Variants in THAP9 observed in about 807,000 individuals in gnomAD.
The protein encoded by THAP9 is THAP domain containing 9, also known as DNA transposase THAP9.
THAP9 carries 20 observed loss-of-function variants against 35.7 expected under a neutral mutation model. The ratio of observed to expected loss-of-function variants is 0.56; its 90% CI spans 0.39 to 0.81. THAP9 has a LOEUF of 0.81. THAP9 is among the 40% of genes least tolerant of loss of function. The pLI, the probability that THAP9 is intolerant of heterozygous loss-of-function variation, is 0.00. For missense variants in THAP9, 870 were observed against 1,047.4 expected (o/e 0.83, Z 2.34); for synonymous variants, 335 against 373.7 (o/e 0.90, Z 1.19).
rs773902967 is a variant in THAP9 at position 82,917,314 on chromosome 4, G to A, written c.1102G>A (p.Val368Ile). The A allele has an allele frequency of 1.9e-6, 3 of 1,613,758 alleles. No homozygotes were observed. In the African/African-American group the frequency reaches 4.0e-5, roughly 22 times the overall value. ...TAAACTGAGTGACATAGGAATCACA[G>A]TTCTGGCTGTTACATCTGATGCCAC... ...IGKLSDIGIT[V>I]LAVTSDATAH... The change falls in exon 5 of 5, where the codon GTT (valine) becomes ATT (isoleucine). Residue 368 changes from valine (V) to isoleucine (I), a missense_variant. Val to Ile is a conservative substitution (Grantham distance 29). This residue lies in a region of THAP9 where 440 missense variants were observed against 501.2 expected (regional missense o/e 0.88). Transcript: ENST00000302236.
At chr4:82,916,786 G>A (rs1294824211) in intron 4 of THAP9, among the ~76,000 whole-genome samples, 158 bp from the exon 5 acceptor site, 2 of 152,128 alleles carry the variant, frequency 1.3e-5, no homozygotes, top group Non-Finnish European at 2.9e-5. Flanking sequence ...TTATTGTAAC[G>A]ATGAATTTAC....
chr4:82,907,005 CAA>C (rs1382043805), intron 3 of THAP9, among the ~76,000 whole-genome samples: 1 of 152,078 alleles, frequency 6.6e-6, no homozygotes, highest in Non-Finnish European at 1.5e-5. Flanking sequence ...ATAATTTTAC[CAA>C]AGTCTTTTTG....
At chr4:82,904,088 G>A (rs1720542323) in intron 1 of THAP9, among the ~76,000 whole-genome samples, 1 of 123,658 alleles carries the variant, frequency 8.1e-6, no homozygotes, top group African/African-American at 3.1e-5. Context: ...TTTTGTTACG[G>A]AGTTTCACTC....
chr4:82,910,388 C>T (rs1720821161), intron 4 of THAP9: 1 of 153,600 alleles, frequency 6.5e-6, no homozygotes, highest in South Asian at 2.0e-4. Context: ...TTCCCCTAAT[C>T]CCACAAAATA....
In THAP9 at chr4:82,918,845, A is replaced by T; in HGVS notation, c.2633A>T (p.Asp878Val). Residue 878 changes from aspartate to valine, a missense_variant, in exon 5 of 5, where the codon GAT becomes GTT. Asp to Val is a radical substitution (Grantham distance 152). Transcript: ENST00000302236. ...LSRKHWSSVQDYKCSSFANTS... is the reference protein window; with the variant it reads ...LSRKHWSSVQVYKCSSFANTS... Reference sequence around the variant, plus strand: ...AGGAAACACTGGTCATCTGTACAGGATTATAAATGTTCAAGTTTTGCTAAT... The same window carrying T: ...AGGAAACACTGGTCATCTGTACAGGTTTATAAATGTTCAAGTTTTGCTAAT... 1 of 1,613,312 alleles carries T rather than the reference A, an allele frequency of 6.2e-7. No homozygotes were observed. Among genetic ancestry groups the T allele is most frequent in the South Asian group, 1.1e-5 (1 of 90,918 alleles).
At chr4:82,902,833 T>G (rs1275452536) in intron 1 of THAP9, among the ~76,000 whole-genome samples, 1 of 152,210 alleles carries the variant, frequency 6.6e-6, no homozygotes, top group African/African-American at 2.4e-5. Context: ...TACTTTACAG[T>G]TTACAAAGTG....
chr4:82,918,217 T>A lies in THAP9; in HGVS notation c.2005T>A (p.Leu669Met). 6.2e-7 allele frequency: 1 copy of A among 1,614,196 alleles called. No homozygotes were observed. Among genetic ancestry groups the A allele is most frequent in the Non-Finnish European group, 8.5e-7 (1 of 1,179,998 alleles). ...CATTTCAATTGCTCGAAGGAAAGAC[T>A]TGGCGCTTTGGACAGTTCAACGTCA... ...FDISIARRKD[L>M]ALWTVQRQYG... Residue 669 changes from leucine (L) to methionine (M), a missense_variant, in exon 5 of 5, where the codon TTG becomes ATG. Leu to Met is a conservative substitution (Grantham distance 15, BLOSUM62 2). This residue lies in a region of THAP9 where 414 missense variants were observed against 500.8 expected (regional missense o/e 0.83). Transcript: ENST00000302236.
At position 82,918,047 on chromosome 4, in the gene THAP9, T is replaced by G. The variant is rs1451857213; in HGVS notation, c.1835T>G (p.Leu612Arg). ...LLTYKFSHDH[L>R]ELFLKMLRQV... ...ACTTACAAATTCAGTCATGATCATC[T>G]GGAATTATTTCTAAAGATGCTTAGG... Residue 612 changes from leucine to arginine, a missense_variant, in exon 5 of 5, where the codon CTG becomes CGG. Leu to Arg is a moderately radical substitution (Grantham distance 102). This residue lies in a region of THAP9 where 414 missense variants were observed against 500.8 expected (regional missense o/e 0.83). Coordinates refer to ENST00000302236, the MANE Select transcript of THAP9 (RefSeq NM_024672.6). 3 of 1,613,966 alleles carry G rather than the reference T, an allele frequency of 1.9e-6. No homozygotes were observed. Among genetic ancestry groups the G allele is most frequent in the Non-Finnish European group, 2.5e-6 (3 of 1,180,002 alleles).
At position 82,900,749 on chromosome 4, in the gene THAP9, C is replaced by T. The variant is rs1300527598; in HGVS notation, c.-54C>T. 12 of 1,591,418 alleles carry T rather than the reference C, an allele frequency of 7.5e-6. No individual in the cohort carries two copies. The African/African-American group carries it at 1.2e-4, about 16-fold the overall frequency. ...AGTCAACGGGCGGAGCTAAAGTGGT[C>T]GTGATTCATGCTGTCGCGGGAACCC... On this transcript the variant is annotated 5_prime_UTR_variant, in exon 1 of 5. Transcript: ENST00000302236.
intron 4 of THAP9, among the ~76,000 whole-genome samples, chr4:82,914,740 A>G (rs1461746457): frequency 6.6e-6 from 1 of 152,148 alleles, no homozygotes; most frequent in East Asian, 1.9e-4. Context: ...CAGTTTGCAA[A>G]TATTTTCTCC....
At chr4:82,901,724 T>G (rs1720400732) in intron 1 of THAP9, among the ~76,000 whole-genome samples, 1 of 152,024 alleles carries the variant, frequency 6.6e-6, no homozygotes, top group African/African-American at 2.4e-5. Flanking sequence ...TTTTTTTTTT[T>G]TGTTTTCTAT....
At chr4:82,904,058 CTTTT>C (rs59655406) in intron 1 of THAP9, among the ~76,000 whole-genome samples, 50 of 82,204 alleles carry the variant, frequency 6.1e-4, no homozygotes, top group South Asian at 4.9e-3. Flanking sequence ...TAGGCTCCCC[CTTTT>C]TTTTTTTTTT....
chr4:82,904,058 C>CTTT (rs59655406), intron 1 of THAP9, among the ~76,000 whole-genome samples: 44 of 82,182 alleles, frequency 5.4e-4, no homozygotes, highest in African/African-American at 6.1e-4. Flanking sequence ...TAGGCTCCCC[C>CTTT]TTTTTTTTTT....
Position 82,918,052 on chromosome 4 carries a change from TTA to T in THAP9, c.1842_1843del (p.Leu614PhefsTer6), listed in dbSNP as rs766375399. Reference protein sequence around the residue: ...TYKFSHDHLELFLKMLRQVLV... With the variant: ...TYKFSHDHLEXFLKMLRQVLV... ...CAAATTCAGTCATGATCATCTGGAATTATTTCTAAAGATGCTTAGGCAGGTAT... is the reference window on the plus strand; with the variant it reads ...CAAATTCAGTCATGATCATCTGGAATTTTCTAAAGATGCTTAGGCAGGTAT... On this transcript the variant is annotated frameshift_variant, in exon 5 of 5. Coordinates refer to ENST00000302236, the MANE Select transcript of THAP9 (RefSeq NM_024672.6). LOFTEE classifies it high-confidence loss of function. 1.3e-5 allele frequency: 21 copies of T among 1,614,102 alleles called. No homozygotes were observed. In the South Asian group the frequency reaches 2.3e-4, roughly 18 times the overall value.
chr4:82,917,253 A>G lies in THAP9; in HGVS notation c.1041A>G (p.Gly347=), dbSNP rs1205769319. The G allele has an allele frequency of 3.1e-6, 5 of 1,614,026 alleles. No homozygotes were observed. Among genetic ancestry groups the G allele is most frequent in the Non-Finnish European group, 4.2e-6 (5 of 1,180,022 alleles). ...ATTTTTTTGTAAACAGAGCATCTGGATATTTGCAGGCTCAGCTGCTTCGTC... is the reference window on the plus strand; with the variant it reads ...ATTTTTTTGTAAACAGAGCATCTGGGTATTTGCAGGCTCAGCTGCTTCGTC... ...LGYFFVNRAS[G]YLQAQLLRLT... The change falls in exon 5 of 5, where the codon GGA becomes GGG. Residue 347 remains glycine, a synonymous_variant. Coordinates refer to ENST00000302236, the MANE Select transcript of THAP9 (RefSeq NM_024672.6).
chr4:82,901,372 C>G (rs1720359384), intron 1 of THAP9, among the ~76,000 whole-genome samples: 1 of 152,118 alleles, frequency 6.6e-6, no homozygotes, highest in African/African-American at 2.4e-5. Context: ...TTTGGCTCGA[C>G]AGTGGGGAAG....
chr4:82,905,938 T>C, intron 2 of THAP9: 1 of 456,740 alleles, frequency 2.2e-6, no homozygotes, highest in South Asian at 1.5e-5. Context: ...TCAGTCTTAA[T>C]TCCAAAGCCA....
Position 82,917,381 on chromosome 4 carries a change from T to C in THAP9, c.1169T>C (p.Ile390Thr), listed in dbSNP as rs1021795745. Reference protein sequence around the residue: ...VQMAKALGIHIDGDDMKCTFQ... With the variant: ...VQMAKALGIHTDGDDMKCTFQ... ...ATGGCAAAAGCATTGGGGATACATA[T>C]TGATGGAGACGACATGAAATGTACA... Residue 390 changes from isoleucine to threonine, a missense_variant, in exon 5 of 5, where the codon ATT (isoleucine) becomes ACT (threonine). Ile to Thr is a moderately conservative substitution (Grantham distance 89). Coordinates refer to ENST00000302236, the MANE Select transcript of THAP9 (RefSeq NM_024672.6). The C allele has an allele frequency of 3.7e-6, 6 of 1,613,674 alleles. No homozygotes were observed. The Admixed American group carries it at 1.0e-4, about 27-fold the overall frequency.
At chr4:82,908,363 C>T (rs1242291285) in intron 4 of THAP9, among the ~76,000 whole-genome samples, 1 of 152,094 alleles carries the variant, frequency 6.6e-6, no homozygotes, top group East Asian at 1.9e-4. Flanking sequence ...CGCCATTGGT[C>T]TTAGGCAAAG....
Sources: gnomAD v4.1 joint callset for allele counts (sites outside exome capture counted in the v4.1 genomes callset) on GRCh38, gnomAD v4.1.1 for gene constraint, gnomAD v4.1.1 regional missense constraint, MANE v1.5 for transcripts, NCBI Gene and HGNC (gene_info 2026-07-23, HGNC 2026-07-21) for gene names.